The following PRKAR2A variants were observed in gnomAD, a reference collection of about 807,000 sequenced individuals.
The protein encoded by PRKAR2A is protein kinase cAMP-dependent type II regulatory subunit alpha.
In PRKAR2A, 29 loss-of-function variants were observed where a neutral mutation model predicts 51.9. The observed-to-expected ratio is 0.56, with a 90% CI of 0.42 to 0.76. PRKAR2A has a LOEUF of 0.76. Ranked by LOEUF, PRKAR2A falls within the 30% of genes least tolerant of loss-of-function variation. PRKAR2A has a pLI of 0.00. For synonymous variants in PRKAR2A, 178 were observed against 186.2 expected (o/e 0.96, Z 0.36); for missense variants, 445 against 512.1 (o/e 0.87, Z 1.26).
intron 8 of PRKAR2A, among the ~76,000 whole-genome samples, chr3:48,756,888 G>A (rs1398781291): frequency 1.3e-5 from 2 of 152,208 alleles, no homozygotes; most frequent in African/African-American, 4.8e-5. Context: ...AGCCCCAAGT[G>A]GGCACCATAC....
chr3:48,839,317 G>A (rs868687542), intron 1 of PRKAR2A, among the ~76,000 whole-genome samples: 7 of 151,142 alleles, frequency 4.6e-5, no homozygotes, highest in East Asian at 1.9e-4. Context: ...TTATGGTGAC[G>A]GCTGCACACA....
chr3:48,823,655 G>A (rs933442664), intron 1 of PRKAR2A, among the ~76,000 whole-genome samples: 7 of 149,984 alleles, frequency 4.7e-5, no homozygotes, highest in African/African-American at 1.2e-4. Context: ...GTATGGTGGC[G>A]CACGTCTGTG....
intron 6 of PRKAR2A, among the ~76,000 whole-genome samples, chr3:48,766,955 G>A (rs1474061754): frequency 6.6e-6 from 1 of 152,156 alleles, no homozygotes; most frequent in Non-Finnish European, 1.5e-5. Context: ...TGGGACTACA[G>A]GTACACAACA....
chr3:48,838,763 G>C (rs2083327289), intron 1 of PRKAR2A, among the ~76,000 whole-genome samples: 1 of 151,862 alleles, frequency 6.6e-6, no homozygotes, highest in Non-Finnish European at 1.5e-5. Context: ...CGGATCACGA[G>C]GTCAGGAGAT....
chr3:48,758,989 T>C (rs1404190380), intron 8 of PRKAR2A, among the ~76,000 whole-genome samples: 1 of 152,194 alleles, frequency 6.6e-6, no homozygotes, highest in Non-Finnish European at 1.5e-5. Flanking sequence ...CTGGACCAAA[T>C]GAAGGACAGT....
At chr3:48,841,579 T>C (rs1015345582) in intron 1 of PRKAR2A, among the ~76,000 whole-genome samples, 3 of 150,468 alleles carry the variant, frequency 2.0e-5, no homozygotes, top group African/African-American at 7.3e-5. Flanking sequence ...GGTGTTTTGG[T>C]TATATACCTA....
At chr3:48,832,794 G>T (rs1451821241) in intron 1 of PRKAR2A, among the ~76,000 whole-genome samples, 1 of 152,032 alleles carries the variant, frequency 6.6e-6, no homozygotes, top group Non-Finnish European at 1.5e-5. Flanking sequence ...CCTACAAGTT[G>T]CTTTTTACTT....
intron 1 of PRKAR2A, among the ~76,000 whole-genome samples, chr3:48,840,701 C>T (rs1414973184): frequency 2.0e-5 from 3 of 146,384 alleles, no homozygotes; most frequent in South Asian, 4.4e-4. Context: ...CTCAGCCTCC[C>T]GAGTAGCTGG....
intron 2 of PRKAR2A, among the ~76,000 whole-genome samples, chr3:48,802,171 G>A (rs1272216652): frequency 6.6e-6 from 1 of 152,066 alleles, no homozygotes; most frequent in African/African-American, 2.4e-5. Context: ...GCCTCCCAAA[G>A]TGTTGGGATT....
rs1428000480 is a variant in PRKAR2A at position 48,783,237 on chromosome 3, C to T, written c.436-145G>A. On this transcript the variant is annotated intron_variant, in intron 4 of 10. Coordinates refer to ENST00000265563, the MANE Select transcript of PRKAR2A (RefSeq NM_004157.4). Reference sequence around the variant, plus strand: ...AAAGGTTGTCTGAAACAAATGCTTTCCTGGGACCATTCAGCTTTGCACCTC... The same window carrying T: ...AAAGGTTGTCTGAAACAAATGCTTTTCTGGGACCATTCAGCTTTGCACCTC... 4.8e-6 allele frequency: 3 copies of T among 623,340 alleles called. No individual in the cohort carries two copies. In the East Asian group the frequency reaches 8.2e-5, roughly 17 times the overall value. 38.6% of individuals were successfully genotyped at this position (623,340 alleles called of 1,614,324 possible). A position where few individuals can be genotyped will look rare whatever the true frequency, so the allele number is the denominator to read the frequency against.
chr3:48,773,445 G>A (rs1261834643), intron 5 of PRKAR2A, among the ~76,000 whole-genome samples: 3 of 146,094 alleles, frequency 2.1e-5, no homozygotes, highest in African/African-American at 5.1e-5. Context: ...CTGGGCTCAC[G>A]CCATTCTCCT....
chr3:48,829,865 ATATATATT>A (rs1285093540), intron 1 of PRKAR2A, among the ~76,000 whole-genome samples: 3 of 81,218 alleles, frequency 3.7e-5, no homozygotes, highest in African/African-American at 5.8e-5. Flanking sequence ...ATATATATAT[ATATATATT>A]TTTTTTTTTT....
intron 8 of PRKAR2A, among the ~76,000 whole-genome samples, chr3:48,763,976 C>T (rs1287249611): frequency 6.6e-6 from 1 of 152,090 alleles, no homozygotes; most frequent in Non-Finnish European, 1.5e-5. Context: ...GCTTTTTTCT[C>T]CCCTTTTATG....
At chr3:48,813,362 C>A (rs960230958) in intron 1 of PRKAR2A, among the ~76,000 whole-genome samples, 43 of 152,138 alleles carry the variant, frequency 2.8e-4, no homozygotes, top group Admixed American at 1.6e-3. Context: ...ATCATCAAGC[C>A]ACTGCATTAC....
At chr3:48,774,674 CAT>C (rs1161036581) in intron 5 of PRKAR2A, among the ~76,000 whole-genome samples, 4 of 152,138 alleles carry the variant, frequency 2.6e-5, no homozygotes, top group Non-Finnish European at 4.4e-5. Context: ...TGAGCAAGAA[CAT>C]GTGGTATTTG....
chr3:48,832,835 GCAAA>G (rs1228150608), intron 1 of PRKAR2A, among the ~76,000 whole-genome samples: 3 of 152,098 alleles, frequency 2.0e-5, no homozygotes, highest in Non-Finnish European at 4.4e-5. Flanking sequence ...TTTTTGCTGA[GCAAA>G]CAGTCTTGAA....
At chr3:48,761,851 C>T (rs971201257) in intron 8 of PRKAR2A, among the ~76,000 whole-genome samples, 1 of 152,162 alleles carries the variant, frequency 6.6e-6, no homozygotes, top group Admixed American at 6.6e-5. Flanking sequence ...CTCCTGGCCT[C>T]AAGTTATCTG....
intron 2 of PRKAR2A, among the ~76,000 whole-genome samples, chr3:48,797,398 A>G (rs1372270064): frequency 6.6e-6 from 1 of 152,012 alleles, no homozygotes; most frequent in African/African-American, 2.4e-5. Flanking sequence ...TGAACTCCTG[A>G]CCTCAAGTGA....
chr3:48,800,173 A>G (rs1266754176), intron 2 of PRKAR2A, among the ~76,000 whole-genome samples: 1 of 151,146 alleles, frequency 6.6e-6, no homozygotes, highest in East Asian at 2.0e-4. Flanking sequence ...GGAGGTTTTT[A>G]AATTAAATAA....
Sources: gnomAD v4.1 joint callset for allele counts (sites outside exome capture counted in the v4.1 genomes callset) on GRCh38, gnomAD v4.1.1 for gene constraint, MANE v1.5 for transcripts, NCBI Gene and HGNC (gene_info 2026-07-23, HGNC 2026-07-21) for gene names.